BRI3BP: variants seen among roughly 807,000 people sequenced by gnomAD.
The protein encoded by BRI3BP is BRI3-binding protein.
BRI3BP carries 7 observed loss-of-function variants against 15.8 expected under a neutral mutation model. The ratio of observed to expected loss-of-function variants is 0.44; its 90% CI spans 0.25 to 0.83. BRI3BP has a LOEUF of 0.83. Among genes scored for constraint, BRI3BP ranks in the 40% least tolerant of loss-of-function variants. The pLI is 0.20. For missense variants in BRI3BP, 320 were observed against 339.3 expected (o/e 0.94, Z 0.45); for synonymous variants, 192 against 163.5 (o/e 1.17, Z -1.33).
At chr12:125,047,232 T>C in the BRI3BP span, among the ~76,000 whole-genome samples, 1 of 151,700 alleles carries the variant, frequency 6.6e-6, no homozygotes, top group Non-Finnish European at 1.5e-5. Flanking sequence ...CACTGCAAGC[T>C]CCGCCTCCCA....
downstream of BRI3BP, among the ~76,000 whole-genome samples, chr12:125,034,921 G>A (rs1324932968): frequency 3.9e-5 from 6 of 152,030 alleles, no homozygotes; most frequent in Non-Finnish European, 7.4e-5. Flanking sequence ...TATGTAAATG[G>A]GATGAAACAG....
chr12:125,014,722 A>G (rs7964050), intron 2 of BRI3BP, among the ~76,000 whole-genome samples: 42,638 of 152,132 alleles, frequency 0.28, 6,567 homozygotes, highest in South Asian at 0.46. Context: ...TAGGCCTGGC[A>G]TCTCCAGGCT....
chr12:125,001,303 G>C (rs1181367290), intron 1 of BRI3BP, among the ~76,000 whole-genome samples: 2 of 151,934 alleles, frequency 1.3e-5, no homozygotes, highest in Admixed American at 1.3e-4. Flanking sequence ...TGATCTGCCC[G>C]GCTCGGCCTC....
Position 125,025,700 on chromosome 12 carries a change from C to A in BRI3BP, c.*270C>A. On this transcript the variant is annotated 3_prime_UTR_variant, in exon 3 of 3. Coordinates refer to ENST00000341446, the MANE Select transcript of BRI3BP (RefSeq NM_080626.6). ...AAGGATATAACCATATTTAGTTGTA[C>A]AGTAAGAGAAATTTATCTGTGCATA... 5.2e-6 allele frequency: 2 copies of A among 383,160 alleles called. No individual in the cohort carries two copies. Among genetic ancestry groups the A allele is most frequent in the Non-Finnish European group, 4.7e-6 (1 of 214,216 alleles). The allele number at this position is 383,160 out of a possible 1,614,324, so 23.7% of individuals were successfully genotyped here.
Position 125,025,626 on chromosome 12 carries a change from GA to G in BRI3BP, c.*198del. On this transcript the variant is annotated 3_prime_UTR_variant, in exon 3 of 3. Transcript: ENST00000341446. ...GAAGAGCGGAAAGATCATTGACGTG[GA>G]ACTACACACGAAGTGTAATTAGTGG... 1 of 577,884 alleles carries G rather than the reference GA, an allele frequency of 1.7e-6. No homozygotes were observed. The highest frequency in any genetic ancestry group is 3.4e-5 in the Admixed American group (1 of 29,610). The allele number at this position is 577,884 out of a possible 1,614,324, so 35.8% of individuals were successfully genotyped here.
At position 125,027,332 on chromosome 12, in the gene BRI3BP, C is replaced by G. The variant is rs1411921985; in HGVS notation, c.*1902C>G. On this transcript the variant is annotated 3_prime_UTR_variant, in exon 3 of 3. Transcript: ENST00000341446. Reference sequence around the variant, plus strand: ...TCCATTCACTTCCTGAAACGTGCACCTGTTTCAGGTGCATGTTTATTCAGT... The same window carrying G: ...TCCATTCACTTCCTGAAACGTGCACGTGTTTCAGGTGCATGTTTATTCAGT... 1 of 152,002 alleles carries G rather than the reference C, an allele frequency of 6.6e-6. No homozygotes were observed. The highest frequency in any genetic ancestry group is 1.5e-5 in the Non-Finnish European group (1 of 68,028). 9.4% of individuals were successfully genotyped at this position (152,002 alleles called of 1,614,324 possible). A position where few individuals can be genotyped will look rare whatever the true frequency, so the allele number is the denominator to read the frequency against.
At chr12:125,042,216 C>T in the BRI3BP span, among the ~76,000 whole-genome samples, 1 of 152,106 alleles carries the variant, frequency 6.6e-6, no homozygotes, top group Non-Finnish European at 1.5e-5. Context: ...AATTGTGTGT[C>T]TTGGGGGTTT....
intron 1 of BRI3BP, among the ~76,000 whole-genome samples, chr12:125,008,584 T>C (rs1305723414): frequency 6.6e-6 from 1 of 151,912 alleles, no homozygotes; most frequent in Middle Eastern, 3.2e-3. Flanking sequence ...GTGCTGGGAT[T>C]ACAGGCATGA....
At chr12:125,038,608 A>G in the BRI3BP span, among the ~76,000 whole-genome samples, 1 of 151,946 alleles carries the variant, frequency 6.6e-6, no homozygotes, top group East Asian at 1.9e-4. Context: ...TCTACTAAAA[A>G]TACAAAATTA....
chr12:125,013,219 G>A (rs1402015597), intron 2 of BRI3BP, among the ~76,000 whole-genome samples: 1 of 152,162 alleles, frequency 6.6e-6, no homozygotes, highest in Non-Finnish European at 1.5e-5. Flanking sequence ...TAGTGCTCTG[G>A]CTTACTGGCA....
Position 124,998,189 on chromosome 12 carries a change from G to A in BRI3BP, c.213+4186G>A, listed in dbSNP as rs1405710385. Among the ~76,000 whole-genome samples, 5 of 152,208 alleles carry A rather than the reference G, an allele frequency of 3.3e-5. 1 individual carries two copies. The South Asian group carries it at 1.0e-3, about 32-fold the overall frequency. On this transcript the variant is annotated intron_variant, in intron 1 of 2. Coordinates refer to ENST00000341446, the MANE Select transcript of BRI3BP (RefSeq NM_080626.6). ...CGACTGTAATCCCAGCTACTTGGGA[G>A]GCTGAGGCAGGAGAATAGATTGAGC... is the stretch of plus-strand genomic sequence containing the variant.
chr12:124,994,021 G>T lies in BRI3BP; in HGVS notation c.213+18G>T. 1 of 1,313,052 alleles carries T rather than the reference G, an allele frequency of 7.6e-7. No homozygotes were observed. 81.3% of individuals were successfully genotyped at this position (1,313,052 alleles called of 1,614,324 possible). A position where few individuals can be genotyped will look rare whatever the true frequency, so the allele number is the denominator to read the frequency against. On this transcript the variant is annotated intron_variant, in intron 1 of 2. Transcript: ENST00000341446. Reference sequence around the variant, plus strand: ...CTCAGAAGGTGGGCGCCGGGCCCGCGCCCGCGGTCACCTTGCCCCGGTCGC... The same window carrying T: ...CTCAGAAGGTGGGCGCCGGGCCCGCTCCCGCGGTCACCTTGCCCCGGTCGC...
intron 1 of BRI3BP, among the ~76,000 whole-genome samples, chr12:125,011,662 C>G (rs1052307244): frequency 1.3e-5 from 2 of 152,098 alleles, no homozygotes; most frequent in African/African-American, 2.4e-5. Flanking sequence ...GGCTTAGTCT[C>G]CACTGAATAC....
chr12:125,046,985 G>A, the BRI3BP span, among the ~76,000 whole-genome samples: 2 of 152,160 alleles, frequency 1.3e-5, no homozygotes, highest in African/African-American at 4.8e-5. Context: ...AGCCTGCAAT[G>A]ATTAAAATCT....
chr12:124,993,762 A>G lies in BRI3BP; in HGVS notation c.-29A>G, dbSNP rs1955015351. The stretch of plus-strand genomic sequence containing the variant: ...GCCCAGCGCACGGCCCTCACCCCGC[A>G]TCGCGACCCCGCGCCCCGCCGGCCG... On this transcript the variant is annotated 5_prime_UTR_variant, in exon 1 of 3. Transcript: ENST00000341446. 2 of 999,096 alleles carry G rather than the reference A, an allele frequency of 2.0e-6. No homozygotes were observed. Among genetic ancestry groups the G allele is most frequent in the South Asian group, 4.4e-5 (1 of 22,586 alleles). The allele number at this position is 999,096 out of a possible 1,614,324, so 61.9% of individuals were successfully genotyped here. A position where few individuals can be genotyped will look rare whatever the true frequency, so the allele number is the denominator to read the frequency against.
At chr12:125,045,952 G>T in the BRI3BP span, among the ~76,000 whole-genome samples, 2 of 152,000 alleles carry the variant, frequency 1.3e-5, no homozygotes, top group African/African-American at 4.8e-5. Flanking sequence ...ATCACCTGAG[G>T]TCAGGAGTTC....
chr12:124,997,054 C>G (rs963140323), intron 1 of BRI3BP, among the ~76,000 whole-genome samples: 2 of 151,532 alleles, frequency 1.3e-5, no homozygotes, highest in African/African-American at 4.9e-5. Flanking sequence ...CCACCGTGCC[C>G]GGCCTCCCAT....
At chr12:125,024,361 A>G (rs932010971) in intron 2 of BRI3BP, among the ~76,000 whole-genome samples, 1 of 150,962 alleles carries the variant, frequency 6.6e-6, no homozygotes, top group Non-Finnish European at 1.5e-5. Context: ...ATTATAATTC[A>G]AGATGAGATT....
chr12:125,049,600 C>T, the BRI3BP span, among the ~76,000 whole-genome samples: 1 of 152,236 alleles, frequency 6.6e-6, no homozygotes, highest in African/African-American at 2.4e-5. Context: ...CAGCGCCCGG[C>T]ACTGGCCTTG....
Sources: gnomAD v4.1 joint callset for allele counts (sites outside exome capture counted in the v4.1 genomes callset) on GRCh38, gnomAD v4.1.1 for gene constraint, MANE v1.5 for transcripts, NCBI Gene and HGNC (gene_info 2026-07-23, HGNC 2026-07-21) for gene names.